PRSS35: variants seen among roughly 807,000 people sequenced by gnomAD.
PRSS35 encodes the protein inactive serine protease 35.
PRSS35 carries 7 observed loss-of-function variants against 8.1 expected under a neutral mutation model. The observed-to-expected ratio is 0.86, with a 90% CI of 0.49 to 1.62. The LOEUF (loss-of-function observed/expected upper bound fraction) is 1.62, where lower values mean the gene tolerates loss of function less well. Ranked by LOEUF, PRSS35 falls within the 40% of genes most tolerant of loss-of-function variation. The pLI, the probability that PRSS35 is intolerant of heterozygous loss-of-function variation, is 0.00. For synonymous variants in PRSS35, 199 were observed against 188.7 expected (o/e 1.05, Z -0.45); for missense variants, 566 against 518.0 (o/e 1.09, Z -0.90).
In PRSS35 at chr6:83,523,470, T is replaced by C. The variant is rs538170279; in HGVS notation, c.29T>C (p.Phe10Ser). Residue 10 changes from phenylalanine (F) to serine (S), a missense_variant, in exon 2 of 2, where the codon TTT becomes TCT. Physicochemically the swap from Phe to Ser is radical, Grantham distance 155. Transcript: ENST00000369700. Reference sequence around the variant, plus strand: ...GAAAATATGCTGCTTTGGTTGATATTTTTCACCCCTGGGTGGACCCTCATT... The same window carrying C: ...GAAAATATGCTGCTTTGGTTGATATCTTTCACCCCTGGGTGGACCCTCATT... MENMLLWLI[F>S]FTPGWTLIDG... 1.9e-6 allele frequency: 3 copies of C among 1,613,488 alleles called. No homozygotes were observed. Among genetic ancestry groups the C allele is most frequent in the South Asian group, 2.2e-5 (2 of 90,818 alleles).
chr6:83,513,344 G>T (rs952427654), intron 1 of PRSS35, among the ~76,000 whole-genome samples: 4 of 152,094 alleles, frequency 2.6e-5, no homozygotes, highest in Admixed American at 2.6e-4. Context: ...ATAATAAAAG[G>T]TTTTTTAAAA....
chr6:83,524,101 A>C lies in PRSS35; in HGVS notation c.660A>C (p.Arg220Ser), dbSNP rs752765181. 3 of 1,614,042 alleles carry C rather than the reference A, an allele frequency of 1.9e-6. No individual in the cohort carries two copies. Among genetic ancestry groups the C allele is most frequent in the African/African-American group, 2.7e-5 (2 of 75,040 alleles). The stretch of plus-strand genomic sequence containing the variant: ...GTGGTGACCAAAGAGAGGGTACCAG[A>C]GAGCATCTGCGGGAGAGAGCGAAGG... Reference protein sequence around the residue: ...ASGGDQREGTREHLRERAKGG... With the variant: ...ASGGDQREGTSEHLRERAKGG... Residue 220 changes from arginine to serine, a missense_variant, in exon 2 of 2, where the codon AGA becomes AGC. Physicochemically the swap from Arg to Ser is moderately radical, Grantham distance 110. Transcript: ENST00000369700.
In PRSS35 at chr6:83,525,033, TAAG is replaced by T; in HGVS notation, c.*356_*358del. 1 of 211,794 alleles carries T rather than the reference TAAG, an allele frequency of 4.7e-6. No individual in the cohort carries two copies. Among genetic ancestry groups the T allele is most frequent in the South Asian group, 1.4e-4 (1 of 7,284 alleles). 13.1% of individuals were successfully genotyped at this position (211,794 alleles called of 1,614,324 possible). Reference sequence around the variant, plus strand: ...TGGACTTATTCTCAGGGTCCTACTCTAAGAAGAATCTAATAGGATGCTGGTTGT... The same window carrying T: ...TGGACTTATTCTCAGGGTCCTACTCTAAGAATCTAATAGGATGCTGGTTGT... On this transcript the variant is annotated 3_prime_UTR_variant, in exon 2 of 2. Coordinates refer to ENST00000369700, the MANE Select transcript of PRSS35 (RefSeq NM_153362.3).
At chr6:83,522,121 A>G (rs529274198) in intron 1 of PRSS35, among the ~76,000 whole-genome samples, 5 of 152,170 alleles carry the variant, frequency 3.3e-5, no homozygotes, top group Non-Finnish European at 2.9e-5. Context: ...GAAATAAATA[A>G]AATAAAGCTT....
At chr6:83,523,399 C>T (rs1419711695) in intron 1 of PRSS35, 23 bp from the exon 2 acceptor site, 1 of 1,527,320 alleles carries the variant, frequency 6.5e-7, no homozygotes, top group Admixed American at 1.9e-5. Flanking sequence ...CATTATAAAC[C>T]TCTCTCTTTT....
rs1423596197 is a variant in PRSS35 at position 83,513,295 on chromosome 6, TA to T, written c.-21+602del. The stretch of plus-strand genomic sequence containing the variant: ...GGGTTGTACTTTTCTCTCAACTTAA[TA>T]CTTTTCTCTGTGCTTTTGTGTAGTC... On this transcript the variant is annotated intron_variant, in intron 1 of 1. Coordinates refer to ENST00000369700, the MANE Select transcript of PRSS35 (RefSeq NM_153362.3). 6.6e-5 allele frequency among the ~76,000 whole-genome samples: 10 copies of T among 152,350 alleles called. No individual in the cohort carries two copies. The South Asian group carries it at 1.9e-3, about 28-fold the overall frequency.
At position 83,523,724 on chromosome 6, in the gene PRSS35, T is replaced by C. The variant is rs1363575764; in HGVS notation, c.283T>C (p.Leu95=). 1.2e-6 allele frequency: 2 copies of C among 1,614,074 alleles called. No individual in the cohort carries two copies. The highest frequency in any genetic ancestry group is 1.7e-6 in the Non-Finnish European group (2 of 1,180,038). ...TGTCTTTGAGAATGGCACCCGAACC[T>C]TAACCAGGGTGAAAGTTCAAGATTT... ...ETVFENGTRT[L]TRVKVQDLVL... Residue 95 remains leucine, a synonymous_variant, in exon 2 of 2, where the codon TTA becomes CTA. Transcript: ENST00000369700.
At chr6:83,517,515 T>C (rs1771745797) in intron 1 of PRSS35, among the ~76,000 whole-genome samples, 1 of 152,224 alleles carries the variant, frequency 6.6e-6, no homozygotes, top group South Asian at 2.1e-4. Context: ...CACCGCTTTC[T>C]TTAGTGCTTG....
chr6:83,520,740 T>C (rs1289447989), intron 1 of PRSS35, among the ~76,000 whole-genome samples: 8 of 152,230 alleles, frequency 5.3e-5, no homozygotes, highest in Admixed American at 5.2e-4. Flanking sequence ...GTCATCTACA[T>C]AGCCAGAAAT....
At position 83,523,607 on chromosome 6, in the gene PRSS35, A is replaced by G. The variant is rs2127713948; in HGVS notation, c.166A>G (p.Met56Val). The change falls in exon 2 of 2, where the codon ATG (methionine) becomes GTG (valine). Residue 56 changes from methionine to valine, a missense_variant. By Grantham distance (21) the Met-to-Val change is conservative. Transcript: ENST00000369700. ...CCCCGCATTTGAGGCAGATGCTAAG[A>G]TGATGGTAAATACAGTGTGTGGCAT... ...TSPAFEADAK[M>V]MVNTVCGIEC... 1.2e-6 allele frequency: 2 copies of G among 1,614,204 alleles called. No homozygotes were observed. The highest frequency in any genetic ancestry group is 1.3e-5 in the African/African-American group (1 of 75,058).
Position 83,523,774 on chromosome 6 carries a change from C to T in PRSS35, c.333C>T (p.Ile111=). The part of the protein sequence containing the change: ...QDLVLEPTQN[I]TTKGVSVRRK... Reference sequence around the variant, plus strand: ...TGGTTCTTGAGCCGACTCAAAATATCACCACAAAGGGAGTATCTGTTAGGA... The same window carrying T: ...TGGTTCTTGAGCCGACTCAAAATATTACCACAAAGGGAGTATCTGTTAGGA... Residue 111 remains isoleucine, a synonymous_variant, in exon 2 of 2, where the codon ATC becomes ATT. Coordinates refer to ENST00000369700, the MANE Select transcript of PRSS35 (RefSeq NM_153362.3). 1 of 1,614,174 alleles carries T rather than the reference C, an allele frequency of 6.2e-7. No homozygotes were observed. Among genetic ancestry groups the T allele is most frequent in the Non-Finnish European group, 8.5e-7 (1 of 1,180,052 alleles).
In PRSS35 at chr6:83,524,273, G is replaced by T. The variant is rs1554169629; in HGVS notation, c.832G>T (p.Ala278Ser). 5 of 1,614,054 alleles carry T rather than the reference G, an allele frequency of 3.1e-6. No individual in the cohort carries two copies. In the South Asian group the frequency reaches 5.5e-5, roughly 18 times the overall value. ...MGDATLDYDY[A>S]LLELKRAHKK... Reference sequence around the variant, plus strand: ...GGACGCTACCTTGGACTATGACTATGCTCTTCTGGAGCTGAAGCGTGCTCA... The same window carrying T: ...GGACGCTACCTTGGACTATGACTATTCTCTTCTGGAGCTGAAGCGTGCTCA... Residue 278 changes from alanine (A) to serine (S), a missense_variant, in exon 2 of 2, where the codon GCT becomes TCT. Coordinates refer to ENST00000369700, the MANE Select transcript of PRSS35 (RefSeq NM_153362.3).
chr6:83,517,284 A>T (rs1013730694), intron 1 of PRSS35, among the ~76,000 whole-genome samples: 1 of 152,212 alleles, frequency 6.6e-6, no homozygotes, highest in Non-Finnish European at 1.5e-5. Context: ...CCCCATAATC[A>T]TTGAAACACC....
In PRSS35 at chr6:83,525,043, C is replaced by CT. The variant is rs1196401070; in HGVS notation, c.*361dup. 2 of 203,012 alleles carry CT rather than the reference C, an allele frequency of 9.9e-6. No homozygotes were observed. Among genetic ancestry groups the CT allele is most frequent in the Non-Finnish European group, 2.2e-5 (2 of 91,352 alleles). 12.6% of individuals were successfully genotyped at this position (203,012 alleles called of 1,614,324 possible). A position where few individuals can be genotyped will look rare whatever the true frequency, so the allele number is the denominator to read the frequency against. The stretch of plus-strand genomic sequence containing the variant: ...CTCAGGGTCCTACTCTAAGAAGAAT[C>CT]TAATAGGATGCTGGTTGTGTATTAA... On this transcript the variant is annotated 3_prime_UTR_variant, in exon 2 of 2. Coordinates refer to ENST00000369700, the MANE Select transcript of PRSS35 (RefSeq NM_153362.3).
intron 1 of PRSS35, among the ~76,000 whole-genome samples, chr6:83,521,010 A>G (rs1174884194): frequency 6.6e-6 from 1 of 152,180 alleles, no homozygotes; most frequent in Admixed American, 6.5e-5. Context: ...TGATGTAATC[A>G]TATATTAAGT....
Position 83,514,453 on chromosome 6 carries a change from TC to T in PRSS35, c.-21+1761del, listed in dbSNP as rs1052773439. ...AATCAACTGTGTAACTTTACCATCTTCCTTTCCCTCAAGTACTGCCAAACTT... is the reference window on the plus strand; with the variant it reads ...AATCAACTGTGTAACTTTACCATCTTCTTTCCCTCAAGTACTGCCAAACTT... On this transcript the variant is annotated intron_variant, in intron 1 of 1. Transcript: ENST00000369700. Among the ~76,000 whole-genome samples the T allele has an allele frequency of 3.7e-4, 57 of 152,206 alleles. 1 individual carries two copies. The highest frequency in any genetic ancestry group is 2.9e-3 in the Admixed American group (44 of 15,276).
At chr6:83,519,038 C>T (rs1771772984) in intron 1 of PRSS35, among the ~76,000 whole-genome samples, 1 of 152,156 alleles carries the variant, frequency 6.6e-6, no homozygotes, top group Admixed American at 6.5e-5. Flanking sequence ...GGTACAGATA[C>T]ACAAATATTC....
intron 1 of PRSS35, among the ~76,000 whole-genome samples, chr6:83,519,422 G>A (rs1341031906): frequency 6.6e-6 from 1 of 152,158 alleles, no homozygotes; most frequent in African/African-American, 2.4e-5. Flanking sequence ...GAAAAATGAG[G>A]GGGATGGGGA....
Position 83,524,664 on chromosome 6 carries a change from C to G in PRSS35, c.1223C>G (p.Ala408Gly). 2 of 1,609,260 alleles carry G rather than the reference C, an allele frequency of 1.2e-6. No individual in the cohort carries two copies. The highest frequency in any genetic ancestry group is 1.7e-6 in the Non-Finnish European group (2 of 1,177,938). ...QICLWIHGND[A>G]NCAYG ...TGCCTCTGGATTCACGGGAACGATG[C>G]CAATTGTGCTTACGGCTAACAGAGA... The change falls in exon 2 of 2, where the codon GCC (alanine) becomes GGC (glycine). Residue 408 changes from alanine (A) to glycine (G), a missense_variant. Physicochemically the swap from Ala to Gly is moderately conservative, Grantham distance 60. Transcript: ENST00000369700.
Sources: gnomAD v4.1 joint callset for allele counts (sites outside exome capture counted in the v4.1 genomes callset) on GRCh38, gnomAD v4.1.1 for gene constraint, MANE v1.5 for transcripts, NCBI Gene and HGNC (gene_info 2026-07-23, HGNC 2026-07-21) for gene names.